The following TNRC18 variants were observed in gnomAD, a reference collection of about 807,000 sequenced individuals.
The protein encoded by TNRC18 is trinucleotide repeat containing 18.
In TNRC18, 69 loss-of-function variants were observed where a neutral mutation model predicts 226.7. That is an observed-to-expected ratio of 0.30 (90% CI 0.25 to 0.37). TNRC18 has a LOEUF of 0.37. Among genes scored for constraint, TNRC18 ranks in the 10% least tolerant of loss-of-function variants. The probability of loss-of-function intolerance (pLI) is 1.00; values close to 1 mark genes in which losing one functional copy is unlikely to be tolerated. For missense variants in TNRC18, 4,754 were observed against 4,256.6 expected, an observed-to-expected ratio of 1.12 and a Z score of -3.25; for synonymous variants, 2,449 against 1,927.6, an observed-to-expected ratio of 1.27 and a Z score of -7.09.
At chr7:5,383,063 T>C (rs1779508856) in intron 5 of TNRC18, among the ~76,000 whole-genome samples, 1 of 141,694 alleles carries the variant, frequency 7.1e-6, no homozygotes, top group Non-Finnish European at 1.5e-5. Context: ...CTCGGATGAT[T>C]TATTTTTATT....
Position 5,377,674 on chromosome 7 carries a change from A to G in TNRC18, c.2256-98T>C. The G allele has an allele frequency of 3.0e-6, 4 of 1,320,082 alleles. No individual in the cohort carries two copies. Among genetic ancestry groups the G allele is most frequent in the African/African-American group, 2.9e-5 (2 of 68,338 alleles). 81.8% of individuals were successfully genotyped at this position (1,320,082 alleles called of 1,614,324 possible). On this transcript the variant is annotated intron_variant, in intron 6 of 29. Coordinates refer to ENST00000430969, the MANE Select transcript of TNRC18 (RefSeq NM_001080495.3). The surrounding 1 kb of genome is among the most constrained non-coding windows in gnomAD (Gnocchi z 5.8). ...CCAAGGAACTGTTTGCCACCAGGCC[A>G]TGAGTCAGGACAACCACTGCTCGGA...
chr7:5,363,057 G>A (rs1309345338), intron 11 of TNRC18, among the ~76,000 whole-genome samples: 4 of 152,144 alleles, frequency 2.6e-5, no homozygotes, highest in African/African-American at 7.2e-5. Context: ...ACTTTGGGTG[G>A]CTGAGGCGGG....
intron 3 of TNRC18, among the ~76,000 whole-genome samples, chr7:5,393,338 CA>C (rs1780434020): frequency 6.6e-6 from 1 of 152,230 alleles, no homozygotes; most frequent in Admixed American, 6.5e-5. Context: ...CCAGAGTGTC[CA>C]GGAAGAGCAG....
At chr7:5,315,565 A>G (rs1787769200) in intron 25 of TNRC18, among the ~76,000 whole-genome samples, 1 of 152,088 alleles carries the variant, frequency 6.6e-6, no homozygotes, top group African/African-American at 2.4e-5. Flanking sequence ...CTGGGACTAC[A>G]GGCGCATGTC....
intron 19 of TNRC18, among the ~76,000 whole-genome samples, chr7:5,328,354 C>G (rs1041097165): frequency 6.6e-6 from 1 of 152,192 alleles, no homozygotes; most frequent in South Asian, 2.1e-4. Flanking sequence ...GAGACCCCAC[C>G]CCATCTGCAC....
intron 2 of TNRC18, among the ~76,000 whole-genome samples, chr7:5,418,476 C>G (rs1314871085): frequency 2.6e-5 from 4 of 152,096 alleles, no homozygotes; most frequent in Admixed American, 2.6e-4. Flanking sequence ...GGATCTTTCT[C>G]CGAGGGCCCC....
At position 5,394,449 on chromosome 7, in the gene TNRC18, C is replaced by G. The variant is rs370369006; in HGVS notation, c.334G>C (p.Ala112Pro). 12 of 1,546,576 alleles carry G rather than the reference C, an allele frequency of 7.8e-6. No individual in the cohort carries two copies. The highest frequency in any genetic ancestry group is 4.1e-5 in the Admixed American group (2 of 48,772). ...LPMVQLWAAH[A>P]HEGFSHLPSG... ...CCGGCATGTTCCTTACCTTCATGGG[C>G]GTGGGCGGCCCACAGCTGCACCATG... Residue 112 changes from alanine (A) to proline (P), a missense_variant, in exon 3 of 30, where the codon GCC becomes CCC. By Grantham distance (27) the Ala-to-Pro change is conservative. Transcript: ENST00000430969. This position sits in a 1 kb window ranked among gnomAD's most constrained non-coding sequence, Gnocchi z 4.5.
chr7:5,390,897 C>T (rs1158771457), intron 3 of TNRC18, among the ~76,000 whole-genome samples: 1 of 147,448 alleles, frequency 6.8e-6, no homozygotes, highest in Non-Finnish European at 1.5e-5. Context: ...GGCCCGATAA[C>T]AGCCTACCAA....
rs1486315114 is a variant in TNRC18, at chr7:5,324,459, G to C, written c.6301-104C>G. 6.8e-7 allele frequency: 1 copy of C among 1,470,664 alleles called. No individual in the cohort carries two copies. 91.1% of individuals were successfully genotyped at this position (1,470,664 alleles called of 1,614,324 possible). A position where few individuals can be genotyped will look rare whatever the true frequency, so the allele number is the denominator to read the frequency against. ...CTGGAGCCACAGTCAGGCCGCAGGGGGAATCTGTCATGTGCATGGCAGGGA... is the reference window on the plus strand; with the variant it reads ...CTGGAGCCACAGTCAGGCCGCAGGGCGAATCTGTCATGTGCATGGCAGGGA... On this transcript the variant is annotated intron_variant, in intron 20 of 29. Coordinates refer to ENST00000430969, the MANE Select transcript of TNRC18 (RefSeq NM_001080495.3). This position sits in a 1 kb window ranked among gnomAD's most constrained non-coding sequence, Gnocchi z 4.8.
At chr7:5,406,935 C>G (rs1584099401) in intron 2 of TNRC18, among the ~76,000 whole-genome samples, 3 of 152,190 alleles carry the variant, frequency 2.0e-5, no homozygotes, top group Admixed American at 2.0e-4. Context: ...AAATTCCTAT[C>G]AACACCCCCA....
intron 17 of TNRC18, 94 bp downstream of exon 17, chr7:5,351,725 C>G: frequency 7.2e-7 from 1 of 1,397,296 alleles, no homozygotes; most frequent in South Asian, 1.5e-5. Context: ...CACCCACCAT[C>G]TCTCCCGTGC....
chr7:5,366,816 ACT>A (rs1452959791), intron 11 of TNRC18, among the ~76,000 whole-genome samples: 1 of 152,070 alleles, frequency 6.6e-6, no homozygotes, highest in African/African-American at 2.4e-5. Flanking sequence ...CCAAGGTACA[ACT>A]CTGTCACCTC....
At position 5,394,338 on chromosome 7, in the gene TNRC18, AG is replaced by A; in HGVS notation, c.343+101del. On this transcript the variant is annotated intron_variant, in intron 3 of 29. Transcript: ENST00000430969. This position sits in a 1 kb window ranked among gnomAD's most constrained non-coding sequence, Gnocchi z 4.5. ...GAAGCCAGGTGACCTGGGACCCACC[AG>A]CCCCAGCTCAGCGATGACAACAGAG... 2 of 1,171,278 alleles carry A rather than the reference AG, an allele frequency of 1.7e-6. No individual in the cohort carries two copies. Among genetic ancestry groups the A allele is most frequent in the East Asian group, 3.1e-5 (1 of 32,578 alleles). 72.6% of individuals were successfully genotyped at this position (1,171,278 alleles called of 1,614,324 possible).
chr7:5,388,541 T>C lies in TNRC18; in HGVS notation c.1283A>G (p.Glu428Gly). The C allele has an allele frequency of 3.8e-6, 5 of 1,314,040 alleles. No individual in the cohort carries two copies. Among genetic ancestry groups the C allele is most frequent in the Non-Finnish European group, 3.9e-6 (4 of 1,035,410 alleles). 81.4% of individuals were successfully genotyped at this position (1,314,040 alleles called of 1,614,324 possible). Residue 428 changes from glutamate to glycine, a missense_variant, in exon 5 of 30, where the codon GAG becomes GGG. Physicochemically the swap from Glu to Gly is moderately conservative, Grantham distance 98 (BLOSUM62 -2). Coordinates refer to ENST00000430969, the MANE Select transcript of TNRC18 (RefSeq NM_001080495.3). ...GAGCGAGCGGATGACCGAGTTCTTC[T>C]CGCGCAGGCCCTCGGGCCGGTCCAG... Reference protein sequence around the residue: ...RPLDRPEGLREKNSVIRSLKR... With the variant: ...RPLDRPEGLRGKNSVIRSLKR...
intron 11 of TNRC18, among the ~76,000 whole-genome samples, chr7:5,363,432 C>A (rs2128163631): frequency 6.6e-6 from 1 of 151,942 alleles, no homozygotes; most frequent in Admixed American, 6.6e-5. Flanking sequence ...GAAATCCCAT[C>A]TCTACTAAAA....
Position 5,313,503 on chromosome 7 carries a change from T to G in TNRC18, c.7388A>C (p.Lys2463Thr). The G allele has an allele frequency of 6.2e-7, 1 of 1,613,300 alleles. No homozygotes were observed. Among genetic ancestry groups the G allele is most frequent in the East Asian group, 2.2e-5 (1 of 44,874 alleles). ...TGACGTGACACCCTCGTGGTCCAGT[T>G]TGACAAGCAGCTCGGCCTCCTCCCC... ...RPGEEAELLV[K>T]LDHEGVTSPK... Residue 2463 changes from lysine (K) to threonine (T), a missense_variant, in exon 27 of 30, where the codon AAA becomes ACA. Coordinates refer to ENST00000430969, the MANE Select transcript of TNRC18 (RefSeq NM_001080495.3).
At chr7:5,402,321 G>C (rs544419030) in intron 2 of TNRC18, among the ~76,000 whole-genome samples, 38 of 151,840 alleles carry the variant, frequency 2.5e-4, no homozygotes, top group South Asian at 6.2e-4. Flanking sequence ...ATCACTTGAG[G>C]TCAGGAGTTT....
At position 5,310,943 on chromosome 7, in the gene TNRC18, C is replaced by T. The variant is rs531777539; in HGVS notation, c.8388+1560G>A. On this transcript the variant is annotated intron_variant, in intron 27 of 29. Coordinates refer to ENST00000430969, the MANE Select transcript of TNRC18 (RefSeq NM_001080495.3). ...GTGTGTGCACGTGTTCGTGTGTGCA[C>T]GTGTTTGTGTGTGTGCACGTGTACT... is the stretch of plus-strand genomic sequence containing the variant. Among the ~76,000 whole-genome samples the T allele has an allele frequency of 2.0e-3, 306 of 151,532 alleles. 3 individuals carry two copies. Among genetic ancestry groups the T allele is most frequent in the African/African-American group, 6.9e-3 (282 of 40,874 alleles).
At chr7:5,390,730 G>T in intron 3 of TNRC18, 102 bp from the exon 4 acceptor site, 1 of 1,359,414 alleles carries the variant, frequency 7.4e-7, no homozygotes, top group South Asian at 1.7e-5. Context: ...GCCGACCGCT[G>T]GTACAGGGCG....
Sources: allele counts gnomAD v4.1 joint callset (sites outside exome capture counted in the v4.1 genomes callset), GRCh38; gene constraint gnomAD v4.1.1; non-coding constraint Gnocchi (gnomAD v3.1); transcripts MANE v1.5; gene names NCBI Gene and HGNC (gene_info 2026-07-23, HGNC 2026-07-21).